Variants in LRRC7 observed in about 807,000 individuals in gnomAD.
The protein encoded by LRRC7 is leucine rich repeat containing 7, also known as leucine-rich repeat-containing protein 7.
In LRRC7, 23 loss-of-function variants were observed where a neutral mutation model predicts 175.7. That is an observed-to-expected ratio of 0.13 (90% CI 0.09 to 0.19). The LOEUF (loss-of-function observed/expected upper bound fraction) is 0.19, where lower values mean the gene tolerates loss of function less well. LRRC7 is among the 10% of genes least tolerant of loss of function. LRRC7 has a pLI of 1.00. For missense variants in LRRC7, 1,354 were observed against 1,904.7 expected, an observed-to-expected ratio of 0.71 and a Z score of 5.38; for synonymous variants, 685 against 680.9, an observed-to-expected ratio of 1.01 and a Z score of -0.09.
At chr1:69,865,469 C>T (rs1341903390) in intron 7 of LRRC7, among the ~76,000 whole-genome samples, 4 of 51,266 alleles carry the variant, frequency 7.8e-5, no homozygotes, top group Admixed American at 3.6e-4. Context: ...AAGACAGTTC[C>T]TTTTTTTTTT....
At chr1:70,114,065 CA>C (rs1277445585) in intron 26 of LRRC7, among the ~76,000 whole-genome samples, 7 of 149,796 alleles carry the variant, frequency 4.7e-5, no homozygotes, top group Admixed American at 2.7e-4. Flanking sequence ...AAAAATCTTC[CA>C]AAAAAAAACC....
intron 2 of LRRC7, among the ~76,000 whole-genome samples, chr1:69,689,565 A>T (rs1014847386): frequency 6.6e-6 from 1 of 152,140 alleles, no homozygotes; most frequent in Non-Finnish European, 1.5e-5. Flanking sequence ...AAACATTCCT[A>T]CCCAGCTCTG....
In LRRC7 at chr1:70,090,159, C is replaced by T. The variant is rs1663915196; in HGVS notation, c.4545+340C>T. On this transcript the variant is annotated intron_variant, in intron 25 of 26. Coordinates refer to ENST00000651989, the MANE Select transcript of LRRC7 (RefSeq NM_001370785.2). ...TAGACAATTTCTAACAAGTTGTTTC[C>T]AAAGGTTAACTCGTAAGTCACTTAT... Among the ~76,000 whole-genome samples the T allele has an allele frequency of 2.0e-5, 3 of 152,098 alleles. No individual in the cohort carries two copies. The South Asian group carries it at 6.2e-4, about 32-fold the overall frequency.
intron 8 of LRRC7, among the ~76,000 whole-genome samples, chr1:69,949,426 A>G (rs924301125): frequency 1.3e-5 from 2 of 152,096 alleles, no homozygotes; most frequent in African/African-American, 4.8e-5. Context: ...ACAAAAAATT[A>G]GCTGGCTGTG....
intron 4 of LRRC7, among the ~76,000 whole-genome samples, chr1:69,820,120 C>T (rs1201174274): frequency 6.6e-6 from 1 of 151,526 alleles, no homozygotes; most frequent in Non-Finnish European, 1.5e-5. Context: ...TCTTTTTGCT[C>T]TCTTCCTTTG....
intron 7 of LRRC7, among the ~76,000 whole-genome samples, chr1:69,928,882 A>G (rs1647181082): frequency 6.6e-6 from 1 of 152,180 alleles, no homozygotes; most frequent in Non-Finnish European, 1.5e-5. Context: ...AAATGCAGAA[A>G]TCACCCGTCT....
chr1:69,712,467 G>C (rs1048121547), intron 2 of LRRC7, among the ~76,000 whole-genome samples: 1 of 152,082 alleles, frequency 6.6e-6, no homozygotes, highest in African/African-American at 2.4e-5. Flanking sequence ...AGCCAGGCTT[G>C]GTGGTGGGCG....
intron 23 of LRRC7, among the ~76,000 whole-genome samples, chr1:70,074,358 A>G (rs950799048): frequency 6.6e-6 from 1 of 152,226 alleles, no homozygotes; most frequent in Non-Finnish European, 1.5e-5. Context: ...ATTTGCAATA[A>G]GGAAAAACTC....
intron 3 of LRRC7, among the ~76,000 whole-genome samples, chr1:69,781,715 GAAAGAAAGAAAGAA>G (rs1673569173): frequency 6.9e-5 from 2 of 29,002 alleles, no homozygotes; most frequent in South Asian, 1.2e-3. Context: ...AAGAAAGAAA[GAAAGAAAGAAAGAA>G]AGAAAGAGAG....
intron 1 of LRRC7, among the ~76,000 whole-genome samples, chr1:69,623,829 C>T (rs368299586): frequency 2.0e-5 from 3 of 152,152 alleles, no homozygotes; most frequent in South Asian, 2.1e-4. Flanking sequence ...AGATTACAGG[C>T]GAGGCATGAT....
Position 70,121,789 on chromosome 1 carries a change from C to T in LRRC7, c.4630C>T (p.His1544Tyr). 1 of 1,606,434 alleles carries T rather than the reference C, an allele frequency of 6.2e-7. No homozygotes were observed. The highest frequency in any genetic ancestry group is 8.5e-7 in the Non-Finnish European group (1 of 1,173,976). Reference protein sequence around the residue: ...PGDKILQANGHSFVHMEHEKA... With the variant: ...PGDKILQANGYSFVHMEHEKA... ...ATTTGTGTATTTACAGGCAAATGGA[C>T]ACAGTTTTGTACATATGGAACATGA... Residue 1544 changes from histidine to tyrosine, a missense_variant, in exon 27 of 27, where the codon CAC becomes TAC. Transcript: ENST00000651989.
chr1:69,652,668 C>A (rs907119837), intron 1 of LRRC7, among the ~76,000 whole-genome samples: 1 of 151,604 alleles, frequency 6.6e-6, no homozygotes, highest in African/African-American at 2.4e-5. Context: ...CATGGAACCT[C>A]AAAGGACTCT....
At chr1:69,821,561 G>A (rs1264075971) in intron 4 of LRRC7, among the ~76,000 whole-genome samples, 1 of 151,924 alleles carries the variant, frequency 6.6e-6, no homozygotes, top group Admixed American at 6.6e-5. Flanking sequence ...TGATGTTTTT[G>A]TCAGGCAATT....
intron 1 of LRRC7, among the ~76,000 whole-genome samples, chr1:69,671,887 G>A (rs1659128721): frequency 6.6e-6 from 1 of 152,170 alleles, no homozygotes; most frequent in South Asian, 2.1e-4. Flanking sequence ...GGATGGGGCA[G>A]AGTAATGTTT....
intron 23 of LRRC7, among the ~76,000 whole-genome samples, chr1:70,056,813 A>C (rs1661190130): frequency 6.6e-6 from 1 of 152,176 alleles, no homozygotes; most frequent in South Asian, 2.1e-4. Flanking sequence ...TGCAAGAAAC[A>C]TGTAAAGGAA....
intron 7 of LRRC7, among the ~76,000 whole-genome samples, chr1:69,882,532 C>T (rs1686724512): frequency 6.6e-6 from 1 of 151,342 alleles, no homozygotes; most frequent in South Asian, 2.1e-4. Context: ...AATATAAACA[C>T]TATATAAATA....
intron 16 of LRRC7, chr1:70,022,287 G>A (rs1053112952): frequency 1.3e-5 from 2 of 152,002 alleles, no homozygotes; most frequent in African/African-American, 4.8e-5. Context: ...GTTCTTTTAC[G>A]GATTTTGTAT....
intron 14 of LRRC7, 92 bp from the exon 15 acceptor site, chr1:70,018,627 C>T (rs1401306334): frequency 3.0e-6 from 2 of 665,902 alleles, no homozygotes; most frequent in Non-Finnish European, 4.8e-6. Flanking sequence ...CACTTTTTCC[C>T]CCCAATGTTT....
At chr1:69,799,106 T>C (rs540874858) in intron 4 of LRRC7, among the ~76,000 whole-genome samples, 1 of 151,458 alleles carries the variant, frequency 6.6e-6, no homozygotes, top group Non-Finnish European at 1.5e-5. Context: ...ATGCTAGTTT[T>C]TTTTTTTTTT....
Sources: allele counts gnomAD v4.1 joint callset (sites outside exome capture counted in the v4.1 genomes callset), GRCh38; gene constraint gnomAD v4.1.1; transcripts MANE v1.5; gene names NCBI Gene and HGNC (gene_info 2026-07-23, HGNC 2026-07-21).